Variants in WDFY4 observed in about 807,000 individuals in gnomAD.
WDFY4 encodes WDFY family member 4, also known as WD repeat- and FYVE domain-containing protein 4.
In WDFY4, 169 loss-of-function variants were observed where a neutral mutation model predicts 351.9. That is an observed-to-expected ratio of 0.48 (90% confidence interval 0.42 to 0.55). WDFY4 has a LOEUF of 0.55. WDFY4 is among the 20% of genes least tolerant of loss of function. WDFY4 has a pLI of 0.00. For synonymous variants in WDFY4, 1,622 were observed against 1,574.6 expected (o/e 1.03, Z -0.71); for missense variants, 3,803 against 3,935.6 (o/e 0.97, Z 0.90).
At chr10:48,854,515 G>A (rs2069069893) in intron 39 of WDFY4, among the ~76,000 whole-genome samples, 1 of 151,932 alleles carries the variant, frequency 6.6e-6, no homozygotes, top group Non-Finnish European at 1.5e-5. Context: ...TCATTCTACT[G>A]TCTCATCCTA....
At chr10:48,956,258 C>T (rs994844527) in intron 51 of WDFY4, among the ~76,000 whole-genome samples, 4 of 152,224 alleles carry the variant, frequency 2.6e-5, no homozygotes, top group Non-Finnish European at 5.9e-5. Context: ...CCACCTGTGG[C>T]CATGGGCCTT....
intron 23 of WDFY4, among the ~76,000 whole-genome samples, chr10:48,794,729 A>G (rs1465360980): frequency 6.6e-6 from 1 of 152,154 alleles, no homozygotes; most frequent in Admixed American, 6.5e-5. Context: ...GAAGGCGGGT[A>G]TGGTCAAACC....
At chr10:48,749,039 A>G (rs2065099185) in intron 12 of WDFY4, among the ~76,000 whole-genome samples, 1 of 152,204 alleles carries the variant, frequency 6.6e-6, no homozygotes, top group Non-Finnish European at 1.5e-5. Flanking sequence ...CAGACATAAT[A>G]ATAGTATCTA....
At chr10:48,855,504 C>A (rs908282159) in intron 39 of WDFY4, among the ~76,000 whole-genome samples, 1 of 152,058 alleles carries the variant, frequency 6.6e-6, no homozygotes, top group Non-Finnish European at 1.5e-5. Context: ...AGTGGTAGGG[C>A]AACAGTTCTC....
chr10:48,771,664 G>A (rs574406484), intron 13 of WDFY4, among the ~76,000 whole-genome samples: 3 of 152,330 alleles, frequency 2.0e-5, no homozygotes, highest in Admixed American at 6.5e-5. Flanking sequence ...TGCTGTGCTC[G>A]ATGTTGTAAA....
intron 49 of WDFY4, 130 bp from the exon 50 acceptor site, chr10:48,945,910 G>C: frequency 1.7e-6 from 1 of 588,626 alleles, no homozygotes; most frequent in South Asian, 2.8e-5. Context: ...CAGCCTGCCA[G>C]CTAACCACCA....
chr10:48,823,605 A>G (rs1490782540), intron 35 of WDFY4: 1 of 1,041,096 alleles, frequency 9.6e-7, no homozygotes, highest in African/African-American at 1.7e-5. Context: ...AGAGAGGAGA[A>G]ATAGCCCTTG....
At chr10:48,970,014 A>C in intron 56 of WDFY4, 117 bp from the exon 57 acceptor site, 1 of 1,268,032 alleles carries the variant, frequency 7.9e-7, no homozygotes, top group South Asian at 1.5e-5. Context: ...TCCTGAACAC[A>C]TGGCATGTCC....
Position 48,786,868 on chromosome 10 carries a change from A to C in WDFY4, c.3806A>C (p.Gln1269Pro), listed in dbSNP as rs1216886742. 1.3e-6 allele frequency: 2 copies of C among 1,551,464 alleles called. No homozygotes were observed. Among genetic ancestry groups the C allele is most frequent in the African/African-American group, 2.7e-5 (2 of 73,168 alleles). Reference protein sequence around the residue: ...YCGNFQAVHVQGEDLDSEATP... With the variant: ...YCGNFQAVHVPGEDLDSEATP... ...GGTAACTTCCAAGCTGTGCATGTCC[A>C]AGGTATGGAGTGTTTTGATTTACAA... The change falls in exon 20 of 62, where the codon CAA (glutamine) becomes CCA (proline). Residue 1269 changes from glutamine to proline, a missense_variant and splice_region_variant. Transcript: ENST00000325239.
chr10:48,794,282 C>A (rs1352515919), intron 23 of WDFY4, among the ~76,000 whole-genome samples: 1 of 152,066 alleles, frequency 6.6e-6, no homozygotes, highest in South Asian at 2.1e-4. Context: ...CTAATAGGAG[C>A]CTGTGTTCCT....
In WDFY4 at chr10:48,721,269, C is replaced by T. The variant is rs763116265; in HGVS notation, c.358C>T (p.Arg120Trp). 85 of 1,551,480 alleles carry T rather than the reference C, an allele frequency of 5.5e-5. No individual in the cohort carries two copies. The highest frequency in any genetic ancestry group is 2.7e-5 in the African/African-American group (2 of 72,998). Residue 120 changes from arginine to tryptophan, a missense_variant, in exon 4 of 62, where the codon CGG becomes TGG. By Grantham distance (101) the Arg-to-Trp change is moderately radical (BLOSUM62 -3). Coordinates refer to ENST00000325239, the MANE Select transcript of WDFY4 (RefSeq NM_001394531.1). ...ALVGKPAEQA[R>W]LAAGQLLWWK... ...GTGACACTTTCTTCCAGAGCAAGCT[C>T]GGTTGGCAGCTGGACAGTTGCTGTG...
At chr10:48,696,153 C>T (rs1267191712) in intron 1 of WDFY4, among the ~76,000 whole-genome samples, 2 of 152,202 alleles carry the variant, frequency 1.3e-5, no homozygotes, top group Admixed American at 6.5e-5. Context: ...CATTCTCTGC[C>T]AGCAGGCACA....
At chr10:48,921,199 A>T (rs886739429) in intron 47 of WDFY4, among the ~76,000 whole-genome samples, 2 of 152,196 alleles carry the variant, frequency 1.3e-5, no homozygotes, top group African/African-American at 4.8e-5. Flanking sequence ...TTGGAGGATT[A>T]TGTGTCCCAA....
intron 12 of WDFY4, among the ~76,000 whole-genome samples, chr10:48,748,499 C>T (rs1233195261): frequency 2.0e-5 from 3 of 152,098 alleles, no homozygotes; most frequent in African/African-American, 7.2e-5. Flanking sequence ...TTTCCTGATA[C>T]TCCCACAATA....
chr10:48,739,245 C>G (rs2064774002), intron 11 of WDFY4, among the ~76,000 whole-genome samples: 3 of 152,202 alleles, frequency 2.0e-5, no homozygotes, highest in Admixed American at 1.3e-4. Flanking sequence ...CGCTTTACAG[C>G]AGACATCCAT....
intron 25 of WDFY4, 144 bp from the exon 26 acceptor site, chr10:48,805,116 C>G (rs542301083): frequency 2.0e-6 from 2 of 986,116 alleles, no homozygotes; most frequent in East Asian, 2.6e-5. Flanking sequence ...GGGTGTCTGA[C>G]GGCATCTTGA....
chr10:48,861,573 C>T (rs2069345465), intron 39 of WDFY4, among the ~76,000 whole-genome samples: 2 of 152,146 alleles, frequency 1.3e-5, no homozygotes. Context: ...TAATTAAATA[C>T]TTTCCCCTCT....
intron 19 of WDFY4, among the ~76,000 whole-genome samples, chr10:48,781,244 GTA>G (rs1295887366): frequency 1.8e-4 from 25 of 140,042 alleles, no homozygotes; most frequent in African/African-American, 2.9e-4. Context: ...GTGTGTGTGT[GTA>G]TATATATATG....
intron 11 of WDFY4, among the ~76,000 whole-genome samples, chr10:48,740,426 G>A (rs1589496532): frequency 6.6e-6 from 1 of 152,240 alleles, no homozygotes; most frequent in Non-Finnish European, 1.5e-5. Context: ...CAGCATAGCT[G>A]CCTTAGCCTT....
Sources: gnomAD v4.1 joint callset for allele counts (sites outside exome capture counted in the v4.1 genomes callset) on GRCh38, gnomAD v4.1.1 for gene constraint, MANE v1.5 for transcripts, NCBI Gene and HGNC (gene_info 2026-07-23, HGNC 2026-07-21) for gene names.